SH2D4A: variants seen among roughly 807,000 people sequenced by gnomAD.
SH2D4A encodes the protein SH2 domain-containing protein 4A.
SH2D4A carries 70 observed loss-of-function variants against 64.7 expected under a neutral mutation model. That is an observed-to-expected ratio of 1.08 (90% CI 0.89 to 1.32). The LOEUF (loss-of-function observed/expected upper bound fraction) is 1.32. SH2D4A is among the 40% of genes most tolerant of loss of function. SH2D4A has a pLI of 0.00. For synonymous variants in SH2D4A, 268 were observed against 200.7 expected (o/e 1.34, Z -2.83); for missense variants, 706 against 540.1 (o/e 1.31, Z -3.04).
chr8:19,382,718 G>GTCC (rs1342791414), intron 8 of SH2D4A, among the ~76,000 whole-genome samples: 2 of 150,988 alleles, frequency 1.3e-5, no homozygotes, highest in Admixed American at 1.3e-4. Flanking sequence ...ACTGCTGTCT[G>GTCC]TCCTCCAAAA....
In SH2D4A at chr8:19,318,151, T is replaced by G. The variant is rs1301461662; in HGVS notation, c.-204-1193T>G. On this transcript the variant is annotated intron_variant, in intron 1 of 9. Transcript: ENST00000265807. ...GAACTCCTGACCTCGTGATCCCCCC[T>G]CTTTGGCCTCCCAAAGTGCTGGGAT... is the stretch of plus-strand genomic sequence containing the variant. Among the ~76,000 whole-genome samples, 3 of 152,132 alleles carry G rather than the reference T, an allele frequency of 2.0e-5. No individual in the cohort carries two copies. The East Asian group carries it at 5.8e-4, about 29-fold the overall frequency.
rs2052147857 is a variant in SH2D4A, at chr8:19,319,484, G to A, written c.-64G>A. ...CGCCCAAGTGCCAGCACAGGTGGAG[G>A]GACACCTGGAGGCCAGTTTCAGGAA... On this transcript the variant is annotated 5_prime_UTR_variant, in exon 2 of 10. Coordinates refer to ENST00000265807, the MANE Select transcript of SH2D4A (RefSeq NM_022071.4). 4 of 1,405,742 alleles carry A rather than the reference G, an allele frequency of 2.8e-6. No individual in the cohort carries two copies. Among genetic ancestry groups the A allele is most frequent in the Non-Finnish European group, 3.7e-6 (4 of 1,074,602 alleles). The allele number at this position is 1,405,742 out of a possible 1,614,324, so 87.1% of individuals were successfully genotyped here.
At chr8:19,392,296 T>C (rs780052347) in intron 8 of SH2D4A, among the ~76,000 whole-genome samples, 1 of 152,204 alleles carries the variant, frequency 6.6e-6, no homozygotes, top group Non-Finnish European at 1.5e-5. Context: ...TAAGGTACTT[T>C]ATAGAACTGA....
chr8:19,327,673 G>C (rs78419107), intron 2 of SH2D4A, among the ~76,000 whole-genome samples: 1 of 152,062 alleles, frequency 6.6e-6, no homozygotes, highest in African/African-American at 2.4e-5. Context: ...TAAAGAAATC[G>C]TTCAGCCAAC....
chr8:19,356,968 C>A (rs1463105359), intron 4 of SH2D4A, among the ~76,000 whole-genome samples: 1 of 152,216 alleles, frequency 6.6e-6, no homozygotes, highest in African/African-American at 2.4e-5. Context: ...ACCAGCTCCT[C>A]GCTCTTGGGC....
intron 1 of SH2D4A, chr8:19,314,184 C>A: frequency 1.2e-6 from 1 of 846,508 alleles, no homozygotes; most frequent in Non-Finnish European, 1.5e-6. Flanking sequence ...TTCTGGAATC[C>A]GGCAGGGACA....
intron 2 of SH2D4A, among the ~76,000 whole-genome samples, chr8:19,319,942 A>C (rs1449666254): frequency 1.3e-5 from 2 of 152,178 alleles, no homozygotes; most frequent in African/African-American, 2.4e-5. Flanking sequence ...GCTATGAGGA[A>C]ATCTTTTACT....
rs185059643 is a variant in SH2D4A, at chr8:19,356,755, C to T, written c.514-448C>T. Among the ~76,000 whole-genome samples, 28 of 152,300 alleles carry T rather than the reference C, an allele frequency of 1.8e-4. 1 individual carries two copies. Among genetic ancestry groups the T allele is most frequent in the Non-Finnish European group, 3.4e-4 (23 of 68,020 alleles). On this transcript the variant is annotated intron_variant, in intron 4 of 9. Transcript: ENST00000265807. ...GCAGGGAAACTGGGCAGGGCTCCCA[C>T]GCACCAAACTTGTGCTCCAGGCATG... is the stretch of plus-strand genomic sequence containing the variant.
chr8:19,378,532 T>A (rs2053233727), intron 8 of SH2D4A, among the ~76,000 whole-genome samples: 1 of 152,002 alleles, frequency 6.6e-6, no homozygotes, highest in Non-Finnish European at 1.5e-5. Context: ...GCCTCCCAGG[T>A]TCAAGCAATT....
intron 2 of SH2D4A, among the ~76,000 whole-genome samples, chr8:19,331,130 AC>A (rs1338735837): frequency 1.3e-5 from 2 of 152,208 alleles, no homozygotes; most frequent in Non-Finnish European, 2.9e-5. Flanking sequence ...TGTCCACTGT[AC>A]CAAGAAGGGT....
intron 2 of SH2D4A, among the ~76,000 whole-genome samples, chr8:19,327,357 C>A (rs964660352): frequency 3.3e-5 from 5 of 152,178 alleles, no homozygotes. Flanking sequence ...GTGAAGCAGA[C>A]AGAAAATGCA....
intron 7 of SH2D4A, among the ~76,000 whole-genome samples, chr8:19,368,649 G>A (rs1378539375): frequency 1.0e-5 from 1 of 98,274 alleles, no homozygotes; most frequent in East Asian, 2.9e-4. Flanking sequence ...GTCCATTGTT[G>A]ATGCATAGAG....
intron 8 of SH2D4A, among the ~76,000 whole-genome samples, chr8:19,382,346 C>G (rs1250210362): frequency 1.3e-5 from 2 of 152,108 alleles, no homozygotes; most frequent in Non-Finnish European, 2.9e-5. Context: ...TGCAGATAGT[C>G]CTCCACTTAC....
At chr8:19,366,858 T>A (rs2053004102) in intron 7 of SH2D4A, among the ~76,000 whole-genome samples, 1 of 152,200 alleles carries the variant, frequency 6.6e-6, no homozygotes, top group African/African-American at 2.4e-5. Flanking sequence ...TGTTTGTCCT[T>A]CTGTGTTTGG....
At chr8:19,339,293 C>T (rs973055418) in intron 4 of SH2D4A, among the ~76,000 whole-genome samples, 1 of 152,142 alleles carries the variant, frequency 6.6e-6, no homozygotes, top group African/African-American at 2.4e-5. Context: ...TCTGCCTTTC[C>T]CAGTCCACTG....
chr8:19,363,867 C>T, intron 6 of SH2D4A: 1 of 585,292 alleles, frequency 1.7e-6, no homozygotes, highest in Non-Finnish European at 3.0e-6. Flanking sequence ...ACCCCCAGTC[C>T]TGTATGAAGA....
intron 2 of SH2D4A, among the ~76,000 whole-genome samples, chr8:19,320,197 G>GA (rs1261369015): frequency 6.6e-6 from 1 of 151,976 alleles, no homozygotes; most frequent in Non-Finnish European, 1.5e-5. Flanking sequence ...TTGCTATAAG[G>GA]AAAAAAATCA....
chr8:19,348,877 G>A (rs962165385), intron 4 of SH2D4A, among the ~76,000 whole-genome samples: 2 of 152,120 alleles, frequency 1.3e-5, no homozygotes, highest in Non-Finnish European at 2.9e-5. Context: ...CTCGTTCCTG[G>A]GGTTAGCAGA....
Position 19,361,116 on chromosome 8 carries a change from T to C in SH2D4A, c.595-87T>C, listed in dbSNP as rs1484238473. On this transcript the variant is annotated intron_variant, in intron 5 of 9. Coordinates refer to ENST00000265807, the MANE Select transcript of SH2D4A (RefSeq NM_022071.4). The stretch of plus-strand genomic sequence containing the variant: ...GAAGTCAGCTGTGCCGGGTACCCCG[T>C]CCTTCAGGAAACTGCTGGATTTGCT... The C allele has an allele frequency of 4.5e-6, 3 of 662,638 alleles. No individual in the cohort carries two copies. The African/African-American group carries it at 5.6e-5, about 12-fold the overall frequency. 41.0% of individuals were successfully genotyped at this position (662,638 alleles called of 1,614,324 possible).
Sources: allele counts gnomAD v4.1 joint callset (sites outside exome capture counted in the v4.1 genomes callset), GRCh38; gene constraint gnomAD v4.1.1; transcripts MANE v1.5; gene names NCBI Gene and HGNC (gene_info 2026-07-23, HGNC 2026-07-21).